Variants in ZNF536 observed in about 807,000 individuals in gnomAD.
ZNF536 encodes zinc finger protein 536.
ZNF536 carries 13 observed loss-of-function variants against 84.5 expected under a neutral mutation model. That is an observed-to-expected ratio of 0.15 (90% CI 0.10 to 0.24). The LOEUF (loss-of-function observed/expected upper bound fraction) is 0.24, where lower values mean the gene tolerates loss of function less well. Among genes scored for constraint, ZNF536 ranks in the 10% least tolerant of loss-of-function variants. The pLI, the probability that ZNF536 is intolerant of heterozygous loss-of-function variation, is 1.00. For synonymous variants in ZNF536, 811 were observed against 742.5 expected, an observed-to-expected ratio of 1.09 and a Z score of -1.50; for missense variants, 1,536 against 1,747.5, an observed-to-expected ratio of 0.88 and a Z score of 2.16.
upstream of ZNF536, among the ~76,000 whole-genome samples, chr19:30,371,572 G>T (rs73020943): frequency 0.02 from 2,348 of 115,600 alleles, 77 homozygotes; most frequent in African/African-American, 0.068. Flanking sequence ...TTTTTTTTTT[G>T]TTTTTTTTTT....
At chr19:30,289,191 G>A (rs2045748262) in intron 2 of ZNF536, among the ~76,000 whole-genome samples, 1 of 152,228 alleles carries the variant, frequency 6.6e-6, no homozygotes, top group Middle Eastern at 3.4e-3. Flanking sequence ...AGGGAGGGGA[G>A]GCCTGTGGTT....
chr19:30,639,838 GA>G (rs2049199694), intron 1 of ZNF536, among the ~76,000 whole-genome samples: 1 of 152,194 alleles, frequency 6.6e-6, no homozygotes, highest in East Asian at 1.9e-4. Flanking sequence ...GTCTCAAGGG[GA>G]AAAGCAAAGT....
intron 1 of ZNF536, among the ~76,000 whole-genome samples, chr19:30,278,166 C>T (rs988754109): frequency 1.3e-5 from 2 of 152,156 alleles, no homozygotes; most frequent in Non-Finnish European, 1.5e-5. Context: ...TGCCATGCCA[C>T]GTGGGGATCA....
chr19:30,282,741 TC>T lies in ZNF536; in HGVS notation c.-189-1329del, dbSNP rs976705402. Reference sequence around the variant, plus strand: ...GGAAAGTGTAGCATTGGGCATTTGTTCCTCACTCCTTAGATTTTGAGTGACA... The same window carrying T: ...GGAAAGTGTAGCATTGGGCATTTGTTCTCACTCCTTAGATTTTGAGTGACA... On this transcript the variant is annotated intron_variant, in intron 1 of 5. Coordinates refer to the ZNF536 transcript ENST00000585628. 7.9e-5 allele frequency among the ~76,000 whole-genome samples: 12 copies of T among 151,996 alleles called. 1 individual carries two copies. The highest frequency in any genetic ancestry group is 2.9e-4 in the African/African-American group (12 of 41,456).
intron 1 of ZNF536, among the ~76,000 whole-genome samples, chr19:30,433,002 T>C (rs186263515): frequency 6.4e-4 from 97 of 152,318 alleles, no homozygotes; most frequent in Non-Finnish European, 5.6e-4. Flanking sequence ...TAAGAGCTTC[T>C]TGAGCCGCTG....
chr19:30,600,331 C>T (rs1858992193), intron 1 of ZNF536, among the ~76,000 whole-genome samples: 2 of 152,124 alleles, frequency 1.3e-5, no homozygotes, highest in South Asian at 4.1e-4. Flanking sequence ...TGACCTCAAG[C>T]AATCCATGCA....
In ZNF536 at chr19:30,229,720, T is replaced by G. The variant is rs1019426305; in HGVS notation, c.-190+1047T>G. On this transcript the variant is annotated intron_variant, in intron 1 of 5. Transcript: ENST00000585628. ...TAGCGGAGTGCAAATGTCTCCTGAT[T>G]CCACCATTAACCGCCTGGCTGATTT... Among the ~76,000 whole-genome samples, 4 of 152,182 alleles carry G rather than the reference T, an allele frequency of 2.6e-5. No individual in the cohort carries two copies. The South Asian group carries it at 6.2e-4, about 24-fold the overall frequency.
Position 30,415,939 on chromosome 19 carries a change from G to A in ZNF536, c.-2-27622G>A, listed in dbSNP as rs568710964. ...ATCATCATTTTTCAATCCTTAGCTC[G>A]CTTGTTCTTTCTGGAACTTCTACTT... On this transcript the variant is annotated intron_variant, in intron 1 of 4. Coordinates refer to ENST00000355537, the MANE Select transcript of ZNF536 (RefSeq NM_014717.3). 2.6e-5 allele frequency among the ~76,000 whole-genome samples: 4 copies of A among 151,996 alleles called. No individual in the cohort carries two copies. The East Asian group carries it at 5.8e-4, about 22-fold the overall frequency.
chr19:30,710,092 T>C (rs2052403402), intron 1 of ZNF536, among the ~76,000 whole-genome samples: 1 of 152,256 alleles, frequency 6.6e-6, no homozygotes, highest in South Asian at 2.1e-4. Context: ...AGTTGAGGAA[T>C]ATTTGTTTCC....
At chr19:30,650,569 G>A (rs2049662885) in intron 1 of ZNF536, among the ~76,000 whole-genome samples, 1 of 151,944 alleles carries the variant, frequency 6.6e-6, no homozygotes, top group African/African-American at 2.4e-5. Context: ...CTGTAAATAA[G>A]CAAGGAGAGA....
At chr19:30,309,888 T>C (rs1420341584) in intron 2 of ZNF536, among the ~76,000 whole-genome samples, 1 of 152,116 alleles carries the variant, frequency 6.6e-6, no homozygotes, top group Non-Finnish European at 1.5e-5. Context: ...TGGCTTTTTC[T>C]GGGTGGTGGT....
intron 2 of ZNF536, among the ~76,000 whole-genome samples, chr19:30,520,509 C>T (rs2044278190): frequency 6.6e-6 from 1 of 152,190 alleles, no homozygotes; most frequent in Non-Finnish European, 1.5e-5. Context: ...CCTTCACCTA[C>T]TCCCCTCAAA....
intron 2 of ZNF536, among the ~76,000 whole-genome samples, chr19:30,508,663 G>A (rs2055272513): frequency 6.6e-6 from 1 of 151,884 alleles, no homozygotes; most frequent in Admixed American, 6.6e-5. Context: ...TAGAAAATGC[G>A]TTCACTGACA....
rs372421889 is a variant in ZNF536 at position 30,253,335 on chromosome 19, G to T, written c.-190+24662G>T. ...ATTAGAATTCTATAAGCCATTTCAT[G>T]TCTCTATCAAAATTTTAAGAGACAT... On this transcript the variant is annotated intron_variant, in intron 1 of 5. Coordinates refer to the ZNF536 transcript ENST00000585628. Among the ~76,000 whole-genome samples the T allele has an allele frequency of 2.6e-5, 4 of 152,172 alleles. No homozygotes were observed. In the East Asian group the frequency reaches 7.7e-4, roughly 29 times the overall value.
Position 30,271,505 on chromosome 19 carries a change from G to A in ZNF536, c.-189-12567G>A, listed in dbSNP as rs114324816. Among the ~76,000 whole-genome samples, 727 of 152,100 alleles carry A rather than the reference G, an allele frequency of 4.8e-3. 4 individuals carry two copies. Among genetic ancestry groups the A allele is most frequent in the African/African-American group, 0.017 (701 of 41,486 alleles). ...TGGAGCTAAGGCTGATATGGATTTA[G>A]GGGTCAAGTTCACCAGGATAGCTGT... is the stretch of plus-strand genomic sequence containing the variant. On this transcript the variant is annotated intron_variant, in intron 1 of 5. Transcript: ENST00000585628.
intron 1 of ZNF536, among the ~76,000 whole-genome samples, chr19:30,646,294 ACATCCAT>A (rs1555824752): frequency 6.6e-6 from 1 of 151,896 alleles, no homozygotes; most frequent in Non-Finnish European, 1.5e-5. Flanking sequence ...TTTTTCCTTT[ACATCCAT>A]CATTTCCACC....
chr19:30,625,147 G>A (rs528762207), intron 1 of ZNF536, among the ~76,000 whole-genome samples: 1 of 152,274 alleles, frequency 6.6e-6, no homozygotes, highest in South Asian at 2.1e-4. Flanking sequence ...CTCACAATGA[G>A]GCCAGAGCTG....
At chr19:30,279,322 T>C (rs1201523460) in intron 1 of ZNF536, among the ~76,000 whole-genome samples, 1 of 152,142 alleles carries the variant, frequency 6.6e-6, no homozygotes, top group Non-Finnish European at 1.5e-5. Context: ...TCCCCAGAAA[T>C]AGAATAGAGC....
intron 1 of ZNF536, among the ~76,000 whole-genome samples, chr19:30,623,629 A>C (rs2048568597): frequency 1.3e-5 from 2 of 152,250 alleles, no homozygotes; most frequent in South Asian, 4.1e-4. Flanking sequence ...GGTTGGTTTG[A>C]TCCCTCACCT....
Sources: gnomAD v4.1 joint callset for allele counts (sites outside exome capture counted in the v4.1 genomes callset) on GRCh38, gnomAD v4.1.1 for gene constraint, MANE v1.5 for transcripts, NCBI Gene and HGNC (gene_info 2026-07-23, HGNC 2026-07-21) for gene names.